PRSS23: variants seen among roughly 807,000 people sequenced by gnomAD.
PRSS23 encodes protease, serine 23.
In PRSS23, 25 loss-of-function variants were observed where a neutral mutation model predicts 34.7. That is an observed-to-expected ratio of 0.72 (90% CI 0.53 to 1.01). PRSS23 has a LOEUF of 1.01. PRSS23 is among the 50% of genes least tolerant of loss of function. The pLI, the probability that PRSS23 is intolerant of heterozygous loss-of-function variation, is 0.00. For missense variants in PRSS23, 445 were observed against 475.6 expected (o/e 0.94, Z 0.60); for synonymous variants, 176 against 186.6 (o/e 0.94, Z 0.46).
At chr11:86,829,675 G>A (rs895096758) in intron 2 of PRSS23, among the ~76,000 whole-genome samples, 4 of 151,976 alleles carry the variant, frequency 2.6e-5, no homozygotes, top group Admixed American at 6.5e-5. Flanking sequence ...TGGTGTGGAT[G>A]TCCTTTCTGT....
chr11:86,873,281 T>C (rs1385755241), intron 2 of PRSS23, among the ~76,000 whole-genome samples: 3 of 95,464 alleles, frequency 3.1e-5, no homozygotes, highest in African/African-American at 1.1e-4. Flanking sequence ...CACACATATA[T>C]ATACATATAT....
At chr11:86,839,033 A>G (rs1948427801) in intron 2 of PRSS23, among the ~76,000 whole-genome samples, 1 of 151,008 alleles carries the variant, frequency 6.6e-6, no homozygotes, top group Non-Finnish European at 1.5e-5. Flanking sequence ...ATAGGGAGAA[A>G]CCAGAGCAGA....
chr11:86,841,339 C>CAAAAAA (rs58223921), intron 2 of PRSS23, among the ~76,000 whole-genome samples: 1 of 103,682 alleles, frequency 9.6e-6, no homozygotes, highest in South Asian at 3.6e-4. Flanking sequence ...AACTCCATCT[C>CAAAAAA]AAAAAAAAAA....
chr11:86,908,259 A>AT (rs36014237), intron 2 of PRSS23, among the ~76,000 whole-genome samples: 23,341 of 152,162 alleles, frequency 0.15, 2,218 homozygotes, highest in East Asian at 0.43. Context: ...TCTATTTTTA[A>AT]TTTTTTAAGG....
intron 2 of PRSS23, among the ~76,000 whole-genome samples, chr11:86,890,065 C>T (rs1328268525): frequency 2.6e-5 from 4 of 151,856 alleles, no homozygotes; most frequent in Non-Finnish European, 2.9e-5. Flanking sequence ...GTCAGGAGTT[C>T]GAGACCAGCC....
At position 86,808,656 on chromosome 11, in the gene PRSS23, G is replaced by A. The variant is rs1427805368; in HGVS notation, c.1013G>A (p.Gly338Asp). 1.9e-6 allele frequency: 3 copies of A among 1,614,150 alleles called. No individual in the cohort carries two copies. Among genetic ancestry groups the A allele is most frequent in the Admixed American group, 1.7e-5 (1 of 60,022 alleles). Residue 338 changes from glycine to aspartate, a missense_variant, in exon 2 of 2, where the codon GGC becomes GAC. Gly to Asp is a moderately conservative substitution (Grantham distance 94). Coordinates refer to ENST00000280258, the MANE Select transcript of PRSS23 (RefSeq NM_007173.6). ...QQQKWERKII[G>D]IFSGHQWVDM... ...CAGAAGTGGGAGCGAAAAATTATTG[G>A]CATTTTTTCAGGGCACCAGTGGGTG...
intron 2 of PRSS23, chr11:86,910,918 G>C (rs1271145914): frequency 2.0e-5 from 3 of 151,936 alleles, no homozygotes; most frequent in Non-Finnish European, 4.4e-5. Context: ...GCACAAAATA[G>C]GTGTTCAATG....
chr11:86,809,198 T>G lies in PRSS23; in HGVS notation c.*403T>G, dbSNP rs1328131518. On this transcript the variant is annotated 3_prime_UTR_variant, in exon 2 of 2. Transcript: ENST00000280258. ...ATGAATTCTTATATGTGTGCATGTGTGTTTTCTTCTGAGATTCATCTTGGT... is the reference window on the plus strand; with the variant it reads ...ATGAATTCTTATATGTGTGCATGTGGGTTTTCTTCTGAGATTCATCTTGGT... 1 of 169,804 alleles carries G rather than the reference T, an allele frequency of 5.9e-6. No homozygotes were observed. The highest frequency in any genetic ancestry group is 1.4e-5 in the Non-Finnish European group (1 of 70,692). 10.5% of individuals were successfully genotyped at this position (169,804 alleles called of 1,614,324 possible).
At chr11:86,917,502 T>C (rs1949021370) in intron 2 of PRSS23, among the ~76,000 whole-genome samples, 1 of 152,256 alleles carries the variant, frequency 6.6e-6, no homozygotes, top group Admixed American at 6.5e-5. Flanking sequence ...AATATCTACT[T>C]CATTGAGACT....
chr11:86,794,464 A>G (rs896454305), intron 1 of PRSS23, among the ~76,000 whole-genome samples: 1 of 152,228 alleles, frequency 6.6e-6, no homozygotes, highest in African/African-American at 2.4e-5. Context: ...TGATAATTTT[A>G]GATTGGCATA....
At chr11:86,941,148 C>T (rs1422000542) in intron 2 of PRSS23, 1 of 152,156 alleles carries the variant, frequency 6.6e-6, no homozygotes, top group Non-Finnish European at 1.5e-5. Flanking sequence ...TTCTTCCCTC[C>T]ACCTTCCCTA....
intron 1 of PRSS23, among the ~76,000 whole-genome samples, chr11:86,819,281 C>A (rs1446769701): frequency 6.6e-6 from 1 of 152,086 alleles, no homozygotes; most frequent in African/African-American, 2.4e-5. Flanking sequence ...ACTCTGGGTC[C>A]AGGCCATCTG....
chr11:86,800,476 C>A, upstream of PRSS23: 1 of 983,720 alleles, frequency 1.0e-6, no homozygotes, highest in Non-Finnish European at 1.2e-6. Context: ...GGAGGCGGGG[C>A]GGGCGGGCCT....
chr11:86,927,552 G>T (rs1949089943), intron 2 of PRSS23, among the ~76,000 whole-genome samples: 1 of 151,350 alleles, frequency 6.6e-6, no homozygotes, highest in South Asian at 2.1e-4. Flanking sequence ...TCACTATATT[G>T]CCCAGTCTGG....
chr11:86,830,155 T>G (rs1443790708), intron 2 of PRSS23, among the ~76,000 whole-genome samples: 2 of 152,232 alleles, frequency 1.3e-5, no homozygotes, highest in Non-Finnish European at 1.5e-5. Context: ...CAGCTCGAGC[T>G]TCCCAGCTGC....
At chr11:86,858,491 G>T (rs113857015) in intron 2 of PRSS23, among the ~76,000 whole-genome samples, 2,572 of 152,028 alleles carry the variant, frequency 0.017, 22 homozygotes, top group Non-Finnish European at 0.025. Flanking sequence ...ATCTCAGGGG[G>T]TGTACACCGC....
At chr11:86,951,015 G>C (rs550787317) in intron 2 of PRSS23, 1 of 1,009,494 alleles carries the variant, frequency 9.9e-7, no homozygotes, top group Non-Finnish European at 1.6e-6. Context: ...GTGGGTTGAC[G>C]GGGGTCACTT....
chr11:86,917,386 A>AT (rs1402261937), intron 2 of PRSS23, among the ~76,000 whole-genome samples: 1 of 152,200 alleles, frequency 6.6e-6, no homozygotes, highest in East Asian at 1.9e-4. Context: ...ATTAAGGCAA[A>AT]CATAGGGAAA....
At chr11:86,919,449 T>C (rs1401893931) in intron 2 of PRSS23, among the ~76,000 whole-genome samples, 1 of 152,230 alleles carries the variant, frequency 6.6e-6, no homozygotes, top group East Asian at 1.9e-4. Flanking sequence ...GCTTTTTTCA[T>C]TCTTTTCTTC....
Sources: allele counts gnomAD v4.1 joint callset (sites outside exome capture counted in the v4.1 genomes callset), GRCh38; gene constraint gnomAD v4.1.1; transcripts MANE v1.5; gene names NCBI Gene and HGNC (gene_info 2026-07-23, HGNC 2026-07-21).